The following ENOX1 variants were observed in gnomAD, a reference collection of about 807,000 sequenced individuals.
The protein encoded by ENOX1 is candidate growth-related and time keeping constitutive hydroquinone (NADH) oxidase.
ENOX1 carries 42 observed loss-of-function variants against 82.5 expected under a neutral mutation model. The observed-to-expected ratio is 0.51, with a 90% CI of 0.40 to 0.66. ENOX1 has a LOEUF of 0.66. ENOX1 is among the 30% of genes least tolerant of loss of function. The probability of loss-of-function intolerance (pLI) is 0.00; values close to 1 mark genes in which losing one functional copy is unlikely to be tolerated. For synonymous variants in ENOX1, 271 were observed against 282.2 expected (o/e 0.96, Z 0.40); for missense variants, 608 against 811.6 (o/e 0.75, Z 3.05).
At chr13:43,538,286 G>T (rs2078555367) in intron 2 of ENOX1, among the ~76,000 whole-genome samples, 1 of 152,094 alleles carries the variant, frequency 6.6e-6, no homozygotes, top group East Asian at 1.9e-4. Context: ...AACTAAATGT[G>T]GAATGGTATG....
intron 5 of ENOX1, among the ~76,000 whole-genome samples, chr13:43,374,461 G>C (rs1289116398): frequency 6.6e-6 from 1 of 151,926 alleles, no homozygotes; most frequent in East Asian, 1.9e-4. Flanking sequence ...GCCCAGGTTG[G>C]TCTCAAACTC....
chr13:43,603,373 T>TTTTA (rs146490762), intron 2 of ENOX1, among the ~76,000 whole-genome samples: 5 of 149,602 alleles, frequency 3.3e-5, no homozygotes, highest in Non-Finnish European at 5.9e-5. Flanking sequence ...CTTTTATTTA[T>TTTTA]TTTATTTATT....
intron 1 of ENOX1, among the ~76,000 whole-genome samples, chr13:43,763,403 T>C (rs943337976): frequency 1.3e-5 from 2 of 152,184 alleles, no homozygotes; most frequent in African/African-American, 4.8e-5. Flanking sequence ...AGCCTATTCA[T>C]GAGACCCCTG....
intron 2 of ENOX1, among the ~76,000 whole-genome samples, chr13:43,621,463 T>C (rs1426578630): frequency 6.6e-6 from 1 of 152,226 alleles, no homozygotes; most frequent in Non-Finnish European, 1.5e-5. Context: ...GCAAATTATT[T>C]CAGCATTTGT....
chr13:43,725,959 C>T (rs1211944881), intron 1 of ENOX1, among the ~76,000 whole-genome samples: 2 of 151,262 alleles, frequency 1.3e-5, no homozygotes, highest in Non-Finnish European at 2.9e-5. Context: ...AGAATAAGAC[C>T]CTGTCTCAAA....
intron 5 of ENOX1, among the ~76,000 whole-genome samples, chr13:43,363,550 A>T (rs1201033913): frequency 6.6e-6 from 1 of 152,228 alleles, no homozygotes; most frequent in Non-Finnish European, 1.5e-5. Flanking sequence ...TTAGAAAAAG[A>T]AATATTGGCA....
chr13:43,221,087 C>T (rs776192798), intron 16 of ENOX1, among the ~76,000 whole-genome samples: 11 of 152,176 alleles, frequency 7.2e-5, no homozygotes, highest in African/African-American at 2.4e-4. Context: ...ACAGTGGTGT[C>T]GTGCCAAAAT....
At chr13:43,393,436 A>G (rs549102351) in intron 5 of ENOX1, among the ~76,000 whole-genome samples, 11 of 152,362 alleles carry the variant, frequency 7.2e-5, no homozygotes, top group African/African-American at 2.6e-4. Context: ...ATACATATTT[A>G]TTGAATATCA....
chr13:43,502,980 T>A (rs938753118), intron 2 of ENOX1, among the ~76,000 whole-genome samples: 1 of 151,608 alleles, frequency 6.6e-6, no homozygotes, highest in Non-Finnish European at 1.5e-5. Context: ...AAGAAGTCCA[T>A]ACACACAGAA....
At chr13:43,274,152 G>T (rs1301446593) in intron 12 of ENOX1, among the ~76,000 whole-genome samples, 1 of 152,138 alleles carries the variant, frequency 6.6e-6, no homozygotes, top group Non-Finnish European at 1.5e-5. Flanking sequence ...AAGACATTTT[G>T]TTTCATTACC....
At chr13:43,614,550 T>TTTTG (rs2082327220) in intron 2 of ENOX1, among the ~76,000 whole-genome samples, 1 of 151,128 alleles carries the variant, frequency 6.6e-6, no homozygotes. Flanking sequence ...GGCTTTTTTT[T>TTTTG]TTTTTTTTAG....
At chr13:43,784,769 C>T (rs1175865916) in intron 1 of ENOX1, among the ~76,000 whole-genome samples, 1 of 152,222 alleles carries the variant, frequency 6.6e-6, no homozygotes, top group African/African-American at 2.4e-5. Flanking sequence ...AAGTTGTCAA[C>T]ATTAACTTGC....
At chr13:43,750,432 C>G (rs914196228) in intron 1 of ENOX1, among the ~76,000 whole-genome samples, 8 of 152,150 alleles carry the variant, frequency 5.3e-5, no homozygotes, top group African/African-American at 1.9e-4. Context: ...TTCAACACAG[C>G]AGGGGGCTTT....
At chr13:43,719,944 A>C (rs1166505697) in intron 1 of ENOX1, among the ~76,000 whole-genome samples, 2 of 152,132 alleles carry the variant, frequency 1.3e-5, no homozygotes, top group Non-Finnish European at 2.9e-5. Flanking sequence ...TCTCACATGT[A>C]AAGAAAATAA....
intron 14 of ENOX1, among the ~76,000 whole-genome samples, chr13:43,261,733 A>G (rs958618105): frequency 4.0e-4 from 59 of 149,364 alleles, no homozygotes; most frequent in Non-Finnish European, 6.4e-4. Flanking sequence ...GTAAACTATC[A>G]CAAGAACAAA....
At chr13:43,261,262 A>G (rs2044040611) in intron 14 of ENOX1, among the ~76,000 whole-genome samples, 1 of 152,160 alleles carries the variant, frequency 6.6e-6, no homozygotes, top group African/African-American at 2.4e-5. Context: ...ACAAATGAGG[A>G]AATACAAGAC....
intron 2 of ENOX1, among the ~76,000 whole-genome samples, chr13:43,539,273 T>G (rs931150861): frequency 6.6e-6 from 1 of 152,214 alleles, no homozygotes; most frequent in Non-Finnish European, 1.5e-5. Context: ...GAATGTTGTT[T>G]AATTTTTAGT....
Position 43,229,227 on chromosome 13 carries a change from C to G in ENOX1, c.1715-5089G>C, listed in dbSNP as rs935241324. 2.0e-5 allele frequency among the ~76,000 whole-genome samples: 3 copies of G among 152,146 alleles called. No individual in the cohort carries two copies. The East Asian group carries it at 5.8e-4, about 29-fold the overall frequency. The stretch of plus-strand genomic sequence containing the variant: ...CCCCAGCCCTGTGGAACTGTAAGTC[C>G]ATTAAACCTCTTTTTCTTTATAAAA... On this transcript the variant is annotated intron_variant, in intron 15 of 16. Coordinates refer to ENST00000690772, the MANE Select transcript of ENOX1 (RefSeq NM_001347969.2).
intron 15 of ENOX1, among the ~76,000 whole-genome samples, chr13:43,228,273 G>A (rs575019820): frequency 4.6e-5 from 7 of 152,174 alleles, no homozygotes; most frequent in African/African-American, 1.7e-4. Context: ...GGAATGGAGG[G>A]TGGTGGATTT....
Sources: gnomAD v4.1 joint callset for allele counts (sites outside exome capture counted in the v4.1 genomes callset) on GRCh38, gnomAD v4.1.1 for gene constraint, MANE v1.5 for transcripts, NCBI Gene and HGNC (gene_info 2026-07-23, HGNC 2026-07-21) for gene names.